Variants in C6orf120 observed in about 807,000 individuals in gnomAD.
The protein encoded by C6orf120 is UPF0669 protein C6orf120.
For missense variants in C6orf120, 311 were observed against 264.2 expected (o/e 1.18, Z -1.23); for synonymous variants, 165 against 123.1 (o/e 1.34, Z -2.25).
exon 1 of C6orf120, chr6:169,704,042 C>T (rs781490167): frequency 1.9e-6 from 3 of 1,598,856 alleles, no homozygotes; most frequent in African/African-American, 2.7e-5. Flanking sequence ...TGCCCACTTT[C>T]CTGGGTGTTG....
chr6:169,702,316 A>C, exon 1 of C6orf120: 1 of 654,020 alleles, frequency 1.5e-6, no homozygotes, highest in Non-Finnish European at 2.7e-6. Flanking sequence ...GCGGGTGGGA[A>C]GGGACAGTCC....
exon 1 of C6orf120, chr6:169,702,398 G>T (rs1176637976): frequency 1.9e-6 from 2 of 1,038,072 alleles, no homozygotes; most frequent in Non-Finnish European, 2.8e-6. Flanking sequence ...CCGGTGCTGA[G>T]CGCCTCCGGT....
At chr6:169,705,208 C>T (rs766603554), downstream of C6orf120, 25 of 1,613,880 alleles carry the variant, frequency 1.5e-5, no homozygotes, top group Non-Finnish European at 2.1e-5. Context: ...ATCATTTCTT[C>T]TTCATGGTGG....
downstream of C6orf120, chr6:169,705,799 T>C (rs1562984049): frequency 1.2e-6 from 1 of 801,060 alleles, no homozygotes; most frequent in Non-Finnish European, 2.2e-6. Flanking sequence ...TCTGTTACTT[T>C]ATTGCCCTAT....
In C6orf120 at chr6:169,704,574, T is replaced by C. The variant is rs143235860; in HGVS notation, c.*1539T>C. 943 of 170,356 alleles carry C rather than the reference T, an allele frequency of 5.5e-3. 6 individuals are homozygous for C. Among genetic ancestry groups the C allele is most frequent in the African/African-American group, 0.021 (891 of 41,696 alleles). 10.6% of individuals were successfully genotyped at this position (170,356 alleles called of 1,614,324 possible). A position where few individuals can be genotyped will look rare whatever the true frequency, so the allele number is the denominator to read the frequency against. ...CTGAATTACTACAGAAAAATAATTA[T>C]GTTGCTTGCTTAATGATTCCCAGGA... On this transcript the variant is annotated 3_prime_UTR_variant, in exon 1 of 1. Coordinates refer to ENST00000332290, the Ensembl canonical transcript of C6orf120.
chr6:169,702,545 G>A (rs932125926), exon 1 of C6orf120: 1 of 1,612,240 alleles, frequency 6.2e-7, no homozygotes, highest in African/African-American at 1.3e-5. Context: ...CCGGGAAGCT[G>A]CGCGGACGAG....
downstream of C6orf120, chr6:169,705,544 A>G (rs1788752877): frequency 3.3e-6 from 3 of 914,946 alleles, no homozygotes; most frequent in East Asian, 7.2e-5. Context: ...AATCTGCCTG[A>G]AACTATAAAT....
At chr6:169,702,485 C>A in exon 1 of C6orf120, 1 of 1,572,660 alleles carries the variant, frequency 6.4e-7, no homozygotes, top group Non-Finnish European at 8.6e-7. Context: ...GGGAGGGCCG[C>A]GCCCTGGACG....
At chr6:169,703,992 C>CA (rs760877834) in exon 1 of C6orf120, 1 of 1,591,630 alleles carries the variant, frequency 6.3e-7, no homozygotes. Context: ...GTATTAGAGT[C>CA]AAAAACTATT....
At chr6:169,705,080 C>T (rs2128328428), downstream of C6orf120, 1 of 1,366,598 alleles carries the variant, frequency 7.3e-7, no homozygotes, top group East Asian at 2.3e-5. Flanking sequence ...TTTTGGAGTG[C>T]TGGGAGAGTC....
At chr6:169,703,919 C>T in exon 1 of C6orf120, 1 of 1,145,930 alleles carries the variant, frequency 8.7e-7, no homozygotes, top group East Asian at 2.8e-5. Context: ...CAAAAAAAAT[C>T]TTTTATTGGC....
exon 1 of C6orf120, chr6:169,704,312 T>C (rs568428830): frequency 4.4e-4 from 220 of 495,040 alleles, no homozygotes; most frequent in African/African-American, 3.9e-3. Flanking sequence ...ATGGGAGAGA[T>C]GCAATGCCAT....
chr6:169,702,130 C>T, upstream of C6orf120: 1 of 577,406 alleles, frequency 1.7e-6, no homozygotes, highest in South Asian at 1.5e-5. Context: ...AGCGTCACTT[C>T]CGCCTCCGGC....
exon 1 of C6orf120, chr6:169,703,622 G>A (rs543502969): frequency 3.4e-4 from 76 of 226,414 alleles, no homozygotes; most frequent in Non-Finnish European, 6.1e-4. Flanking sequence ...ATCTTAGTGG[G>A]CCATTTGTCA....
exon 1 of C6orf120, chr6:169,702,548 C>G (rs779537311): frequency 6.2e-7 from 1 of 1,612,406 alleles, no homozygotes; most frequent in Non-Finnish European, 8.5e-7. Context: ...GGAAGCTGCG[C>G]GGACGAGGAG....
At position 169,702,566 on chromosome 6, in the gene C6orf120, C is replaced by G. The variant is rs558481474; in HGVS notation, c.107C>G (p.Pro36Arg). The change falls in exon 1 of 1, where the codon CCC becomes CGC. Residue 36 changes from proline (P) to arginine (R), a missense_variant. Pro to Arg is a moderately radical substitution (Grantham distance 103). Coordinates refer to ENST00000332290, the Ensembl canonical transcript of C6orf120. The stretch of plus-strand genomic sequence containing the variant: ...AGCTGCGCGGACGAGGAGGAGGTCC[C>G]CGAGGAGTGGGTGCTCCTGCACGTC... 15 of 1,612,966 alleles carry G rather than the reference C, an allele frequency of 9.3e-6. No homozygotes were observed. In the South Asian group the frequency reaches 1.3e-4, roughly 14 times the overall value.
chr6:169,705,999 G>C (rs556310276), downstream of C6orf120, among the ~76,000 whole-genome samples: 32 of 152,260 alleles, frequency 2.1e-4, no homozygotes, highest in South Asian at 6.6e-3. Flanking sequence ...TTTGTTTAAT[G>C]AATGGAAGGA....
downstream of C6orf120, chr6:169,705,370 T>A: frequency 7.8e-7 from 1 of 1,290,146 alleles, no homozygotes; most frequent in Non-Finnish European, 1.1e-6. Flanking sequence ...AATTTTAACT[T>A]AATATGGCAC....
chr6:169,703,015 G>A (rs753177186), exon 1 of C6orf120: 7 of 1,559,012 alleles, frequency 4.5e-6, no homozygotes, highest in Non-Finnish European at 5.2e-6. Context: ...TTTGAAACTG[G>A]TACTTGAAAT....
Sources: gnomAD v4.1 joint callset for allele counts (sites outside exome capture counted in the v4.1 genomes callset) on GRCh38, gnomAD v4.1.1 for gene constraint, MANE v1.5 for transcripts, NCBI Gene and HGNC (gene_info 2026-07-23, HGNC 2026-07-21) for gene names.